MARCHF1: variants seen among roughly 807,000 people sequenced by gnomAD.
MARCHF1 encodes the protein E3 ubiquitin-protein ligase MARCHF1.
MARCHF1 carries 40 observed loss-of-function variants against 54.2 expected under a neutral mutation model. The observed-to-expected ratio is 0.74, with a 90% CI of 0.57 to 0.96. MARCHF1 has a LOEUF of 0.96. MARCHF1 is among the 40% of genes least tolerant of loss of function. The probability of loss-of-function intolerance (pLI) is 0.00; values close to 1 mark genes in which losing one functional copy is unlikely to be tolerated. For missense variants in MARCHF1, 586 were observed against 656.5 expected, an observed-to-expected ratio of 0.89 and a Z score of 1.17; for synonymous variants, 236 against 236.3, an observed-to-expected ratio of 1.00 and a Z score of 0.01.
At chr4:163,550,497 T>C (rs891897896) in intron 8 of MARCHF1, among the ~76,000 whole-genome samples, 7 of 127,080 alleles carry the variant, frequency 5.5e-5, no homozygotes, top group Admixed American at 4.5e-4. Context: ...CAGTAGCTAG[T>C]ACGGTAGCCC....
intron 8 of MARCHF1, among the ~76,000 whole-genome samples, chr4:163,545,957 G>A (rs745307125): frequency 4.7e-4 from 70 of 150,466 alleles, no homozygotes; most frequent in South Asian, 6.3e-4. Context: ...ATGTGTGTGT[G>A]TGTGTGTGTG....
chr4:163,923,814 G>A (rs551777027), intron 3 of MARCHF1, among the ~76,000 whole-genome samples: 38 of 150,678 alleles, frequency 2.5e-4, no homozygotes, highest in East Asian at 1.2e-3. Context: ...TAAATCACCC[G>A]CATCTTACAA....
At chr4:163,853,960 C>T (rs1411874634) in intron 4 of MARCHF1, 61 bp downstream of exon 4, 3 of 1,441,040 alleles carry the variant, frequency 2.1e-6, no homozygotes, top group Non-Finnish European at 2.8e-6. Flanking sequence ...ATCCTCTCCA[C>T]ATTTCTTTAG....
chr4:164,147,707 G>C (rs1216937322), intron 1 of MARCHF1, among the ~76,000 whole-genome samples: 2 of 142,742 alleles, frequency 1.4e-5, no homozygotes, highest in African/African-American at 2.6e-5. Flanking sequence ...AGCATTGGGA[G>C]ATATACCTAA....
chr4:164,234,655 T>C (rs1180606795), intron 1 of MARCHF1, among the ~76,000 whole-genome samples: 1 of 152,156 alleles, frequency 6.6e-6, no homozygotes. Context: ...TTTCAAGTTA[T>C]GCCCTGTTAT....
intron 1 of MARCHF1, among the ~76,000 whole-genome samples, chr4:164,263,428 C>G (rs1733523253): frequency 6.6e-6 from 1 of 151,912 alleles, no homozygotes; most frequent in African/African-American, 2.4e-5. Context: ...TCACTCTGCC[C>G]AGGCTGCAGT....
chr4:163,818,572 C>T (rs1017466569), intron 4 of MARCHF1, among the ~76,000 whole-genome samples: 13 of 152,192 alleles, frequency 8.5e-5, no homozygotes, highest in Admixed American at 5.9e-4. Context: ...ATCATTCCCA[C>T]GTTGCTCTGG....
chr4:164,363,028 G>A (rs17580597), intron 1 of MARCHF1, among the ~76,000 whole-genome samples: 78,168 of 151,922 alleles, frequency 0.51, 21,029 homozygotes, highest in East Asian at 0.65. Flanking sequence ...CAACCCAGAA[G>A]GTAAAAGGCT....
intron 3 of MARCHF1, among the ~76,000 whole-genome samples, chr4:163,927,377 AT>A (rs1040909182): frequency 1.3e-5 from 2 of 151,784 alleles, no homozygotes; most frequent in Non-Finnish European, 3.0e-5. Context: ...AGTTACATCC[AT>A]TGAAACTAAA....
In MARCHF1 at chr4:163,623,366, G is replaced by A. The variant is rs189974883; in HGVS notation, c.163-9973C>T. On this transcript the variant is annotated intron_variant, in intron 5 of 9. Coordinates refer to ENST00000514618, the MANE Select transcript of MARCHF1 (RefSeq NM_001394959.1). ...AGTTGTCTCTGGTACACTGGGTCAC[G>A]ACTTCTCAGTCCACTTCTCATATCA... Among the ~76,000 whole-genome samples the A allele has an allele frequency of 1.8e-4, 28 of 152,304 alleles. 1 individual carries two copies. The highest frequency in any genetic ancestry group is 1.2e-3 in the Admixed American group (18 of 15,294).
intron 8 of MARCHF1, among the ~76,000 whole-genome samples, chr4:163,576,926 T>C (rs1033521465): frequency 5.3e-5 from 8 of 152,108 alleles, no homozygotes; most frequent in African/African-American, 1.9e-4. Context: ...TTTCCAGCCA[T>C]TTATTTTGAG....
At chr4:163,935,670 C>T (rs1454651123) in intron 3 of MARCHF1, among the ~76,000 whole-genome samples, 2 of 150,110 alleles carry the variant, frequency 1.3e-5, no homozygotes, top group Admixed American at 6.6e-5. Flanking sequence ...AAACTTTCTC[C>T]ATATCAACAA....
At chr4:163,901,387 A>G (rs1750937471) in intron 3 of MARCHF1, among the ~76,000 whole-genome samples, 2 of 152,282 alleles carry the variant, frequency 1.3e-5, no homozygotes, top group Non-Finnish European at 2.9e-5. Context: ...CAAACTTTTC[A>G]TTCAGCCTAT....
intron 1 of MARCHF1, among the ~76,000 whole-genome samples, chr4:164,358,783 T>C (rs568089115): frequency 6.6e-6 from 1 of 152,294 alleles, no homozygotes; most frequent in East Asian, 1.9e-4. Flanking sequence ...GTTCATGGAA[T>C]AGAAATGTTA....
intron 3 of MARCHF1, among the ~76,000 whole-genome samples, chr4:163,936,706 G>A (rs1751803367): frequency 6.6e-6 from 1 of 152,216 alleles, no homozygotes; most frequent in East Asian, 1.9e-4. Context: ...ACCAGCTTGA[G>A]ATGTAAACCA....
At chr4:164,336,204 T>C (rs1232142185) in intron 1 of MARCHF1, among the ~76,000 whole-genome samples, 1 of 152,192 alleles carries the variant, frequency 6.6e-6, no homozygotes, top group African/African-American at 2.4e-5. Flanking sequence ...TTGGCTATTC[T>C]GAACACTGCC....
intron 2 of MARCHF1, among the ~76,000 whole-genome samples, chr4:164,077,988 C>G (rs1403120898): frequency 6.6e-6 from 1 of 152,252 alleles, no homozygotes; most frequent in Non-Finnish European, 1.5e-5. Flanking sequence ...CCTCAAGGAC[C>G]TAGAACCAGA....
At chr4:163,812,479 G>A (rs988442019) in intron 4 of MARCHF1, among the ~76,000 whole-genome samples, 1 of 152,040 alleles carries the variant, frequency 6.6e-6, no homozygotes, top group Non-Finnish European at 1.5e-5. Context: ...TGAAACCAAC[G>A]AGGCACAGTG....
chr4:163,751,805 C>CGTGTGTGTGTGTGTGTGTGT lies in MARCHF1; in HGVS notation c.112-50962_112-50943dup, dbSNP rs72029488. ...TAAAATATCCCAACACACATGTGCACGTGTGTGTGTGTGTGTGTGTGTGAT... is the reference window on the plus strand; with the variant it reads ...TAAAATATCCCAACACACATGTGCACGTGTGTGTGTGTGTGTGTGTGTGTGTGTGTGTGTGTGTGTGTGAT... On this transcript the variant is annotated intron_variant, in intron 4 of 9. Transcript: ENST00000514618. 4.2e-4 allele frequency among the ~76,000 whole-genome samples: 52 copies of CGTGTGTGTGTGTGTGTGTGT among 124,500 alleles called. 1 individual carries two copies. The South Asian group carries it at 8.0e-3, about 19-fold the overall frequency. 81.7% of individuals were successfully genotyped at this position (124,500 alleles called of 152,430 possible). A position where few individuals can be genotyped will look rare whatever the true frequency, so the allele number is the denominator to read the frequency against.
Sources: allele counts gnomAD v4.1 joint callset (sites outside exome capture counted in the v4.1 genomes callset), GRCh38; gene constraint gnomAD v4.1.1; transcripts MANE v1.5; gene names NCBI Gene and HGNC (gene_info 2026-07-23, HGNC 2026-07-21).